Variants in CORIN observed in about 807,000 individuals in gnomAD.
CORIN encodes the protein atrial natriuretic peptide-converting enzyme.
Under a neutral mutation model 125.3 loss-of-function variants are expected in CORIN, and 117 were observed. The observed-to-expected ratio is 0.93, with a 90% CI of 0.80 to 1.09. CORIN has a LOEUF of 1.09. CORIN is among the 50% of genes least tolerant of loss of function. The probability of loss-of-function intolerance (pLI) is 0.00; values close to 1 mark genes in which losing one functional copy is unlikely to be tolerated. For missense variants in CORIN, 1,253 were observed against 1,306.7 expected, an observed-to-expected ratio of 0.96 and a Z score of 0.63; for synonymous variants, 450 against 466.4, an observed-to-expected ratio of 0.96 and a Z score of 0.45.
rs1035605102 is a variant in CORIN, at chr4:47,825,561, G to A, written c.63+12326C>T. Among the ~76,000 whole-genome samples the A allele has an allele frequency of 3.3e-4, 50 of 152,022 alleles. 1 individual carries two copies. The highest frequency in any genetic ancestry group is 1.1e-3 in the African/African-American group (47 of 41,398). ...CTAACATTCATAGATAAAGACGTAA[G>A]AGTAACACTTGAATCCCACCAAGCC... is the stretch of plus-strand genomic sequence containing the variant. On this transcript the variant is annotated intron_variant, in intron 1 of 21. Transcript: ENST00000273857.
chr4:47,656,863 T>C (rs1023840523), intron 12 of CORIN, among the ~76,000 whole-genome samples: 2 of 152,216 alleles, frequency 1.3e-5, no homozygotes, highest in Admixed American at 6.5e-5. Context: ...GCAAATGATA[T>C]GATCTTATGT....
At chr4:47,670,658 A>C (rs1432052561) in intron 10 of CORIN, among the ~76,000 whole-genome samples, 1 of 152,234 alleles carries the variant, frequency 6.6e-6, no homozygotes, top group Non-Finnish European at 1.5e-5. Context: ...TGGATTTCAC[A>C]GCCATGGTCA....
intron 2 of CORIN, among the ~76,000 whole-genome samples, chr4:47,797,852 A>G (rs1487423615): frequency 6.6e-6 from 1 of 152,150 alleles, no homozygotes; most frequent in African/African-American, 2.4e-5. Context: ...AAAGCATCTT[A>G]CCTAAACTCC....
chr4:47,667,250 C>T lies in CORIN; in HGVS notation c.1358-1987G>A, dbSNP rs534515520. ...ATGTGGAACTGTAAGTCCATTAAAC[C>T]TCTTTCTTTTGTAAATTGCCCAGTC... On this transcript the variant is annotated intron_variant, in intron 10 of 21. Coordinates refer to ENST00000273857, the MANE Select transcript of CORIN (RefSeq NM_006587.4). Among the ~76,000 whole-genome samples the T allele has an allele frequency of 5.8e-4, 89 of 152,272 alleles. 1 individual carries two copies. The highest frequency in any genetic ancestry group is 3.4e-3 in the Middle Eastern group (1 of 294).
At chr4:47,749,004 A>G (rs1728783248) in intron 4 of CORIN, among the ~76,000 whole-genome samples, 2 of 152,354 alleles carry the variant, frequency 1.3e-5, no homozygotes, top group East Asian at 3.9e-4. Context: ...GAATTTTGCC[A>G]GGATCTCCAT....
intron 21 of CORIN, among the ~76,000 whole-genome samples, chr4:47,597,427 T>A (rs555522980): frequency 6.6e-6 from 1 of 152,200 alleles, no homozygotes; most frequent in East Asian, 1.9e-4. Context: ...GTGATGATCT[T>A]TAAATTTGTA....
At chr4:47,732,130 A>G (rs1401828109) in intron 5 of CORIN, among the ~76,000 whole-genome samples, 3 of 152,182 alleles carry the variant, frequency 2.0e-5, no homozygotes, top group Non-Finnish European at 4.4e-5. Context: ...GAGAAAATAT[A>G]TAAGATGTTG....
rs187813674 is a variant in CORIN, at chr4:47,689,776, G to A, written c.913+3194C>T. 5.6e-4 allele frequency among the ~76,000 whole-genome samples: 85 copies of A among 152,198 alleles called. No individual in the cohort carries two copies. The East Asian group carries it at 0.014, about 26-fold the overall frequency. On this transcript the variant is annotated intron_variant, in intron 6 of 21. Coordinates refer to ENST00000273857, the MANE Select transcript of CORIN (RefSeq NM_006587.4). ...TAGCCCGGTGCTTCCAAGTCTGGCC[G>A]TCCATTAGAATTACCTGGAGAGCGT...
chr4:47,756,582 A>T (rs1438771397), intron 4 of CORIN, among the ~76,000 whole-genome samples: 1 of 152,256 alleles, frequency 6.6e-6, no homozygotes, highest in Non-Finnish European at 1.5e-5. Context: ...AATTGAGTAC[A>T]TGACAGAAAA....
chr4:47,604,148 CT>C (rs1362921263), intron 19 of CORIN, among the ~76,000 whole-genome samples: 13 of 152,264 alleles, frequency 8.5e-5, no homozygotes, highest in African/African-American at 3.1e-4. Flanking sequence ...CCATACTCCA[CT>C]GTTTTTGAAT....
At chr4:47,621,018 C>T (rs1243315641) in intron 19 of CORIN, among the ~76,000 whole-genome samples, 1 of 151,834 alleles carries the variant, frequency 6.6e-6, no homozygotes, top group Non-Finnish European at 1.5e-5. Flanking sequence ...TTATTTTTTG[C>T]CTCGAATTTT....
In CORIN at chr4:47,825,046, G is replaced by A. The variant is rs191179277; in HGVS notation, c.63+12841C>T. Among the ~76,000 whole-genome samples, 156 of 152,306 alleles carry A rather than the reference G, an allele frequency of 1.0e-3. 1 individual carries two copies. The highest frequency in any genetic ancestry group is 3.4e-3 in the African/African-American group (143 of 41,564). On this transcript the variant is annotated intron_variant, in intron 1 of 21. Coordinates refer to ENST00000273857, the MANE Select transcript of CORIN (RefSeq NM_006587.4). ...TCCACCTGGGAAATGTGAGCACACC[G>A]CTGGCCTGTGGCAAATGAGGTATTT... is the stretch of plus-strand genomic sequence containing the variant.
At chr4:47,764,004 C>T (rs568115877) in intron 3 of CORIN, among the ~76,000 whole-genome samples, 3 of 152,038 alleles carry the variant, frequency 2.0e-5, no homozygotes, top group Admixed American at 6.6e-5. Flanking sequence ...GATTTATCTA[C>T]GGGGATCTTG....
At chr4:47,730,675 G>C (rs1727837518) in intron 5 of CORIN, among the ~76,000 whole-genome samples, 1 of 152,158 alleles carries the variant, frequency 6.6e-6, no homozygotes, top group Admixed American at 6.5e-5. Context: ...GCTGAGAGGG[G>C]AATCAGGGAA....
intron 4 of CORIN, among the ~76,000 whole-genome samples, chr4:47,749,702 C>G (rs540139075): frequency 6.6e-6 from 1 of 152,284 alleles, no homozygotes; most frequent in East Asian, 1.9e-4. Context: ...CTTGACACAT[C>G]ACATTGTCAG....
At chr4:47,730,016 C>A (rs906597935) in intron 5 of CORIN, among the ~76,000 whole-genome samples, 5 of 152,152 alleles carry the variant, frequency 3.3e-5, no homozygotes, top group African/African-American at 1.2e-4. Flanking sequence ...CTCAATAAAA[C>A]CTTGCACTCA....
intron 3 of CORIN, among the ~76,000 whole-genome samples, chr4:47,783,081 A>C (rs1344810067): frequency 6.6e-6 from 1 of 152,146 alleles, no homozygotes; most frequent in Non-Finnish European, 1.5e-5. Context: ...TTAACTCCTC[A>C]TCAGAGTTAC....
chr4:47,782,743 C>T (rs917492844), intron 3 of CORIN, among the ~76,000 whole-genome samples: 3 of 151,998 alleles, frequency 2.0e-5, no homozygotes, highest in Non-Finnish European at 2.9e-5. Context: ...CTGACACATG[C>T]TATATCACGG....
At chr4:47,659,777 T>A (rs1724163105) in intron 12 of CORIN, among the ~76,000 whole-genome samples, 1 of 152,026 alleles carries the variant, frequency 6.6e-6, no homozygotes, top group South Asian at 2.1e-4. Context: ...CCAAACTATA[T>A]CACTATGTAA....
Sources: allele counts gnomAD v4.1 joint callset (sites outside exome capture counted in the v4.1 genomes callset), GRCh38; gene constraint gnomAD v4.1.1; transcripts MANE v1.5; gene names NCBI Gene and HGNC (gene_info 2026-07-23, HGNC 2026-07-21).